The following PPP6C variants were observed in gnomAD, a reference collection of about 807,000 sequenced individuals.
PPP6C encodes the protein protein phosphatase 6 catalytic subunit.
In PPP6C, 11 loss-of-function variants were observed where a neutral mutation model predicts 39.8. The ratio of observed to expected loss-of-function variants is 0.28; its 90% CI spans 0.17 to 0.46. The LOEUF (loss-of-function observed/expected upper bound fraction) is 0.46. Ranked by LOEUF, PPP6C falls within the 20% of genes least tolerant of loss-of-function variation. PPP6C has a pLI of 1.00. For missense variants in PPP6C, 211 were observed against 373.9 expected, an observed-to-expected ratio of 0.56 and a Z score of 3.59; for synonymous variants, 129 against 130.3, an observed-to-expected ratio of 0.99 and a Z score of 0.07.
At chr9:125,160,441 T>A (rs1477155310) in intron 3 of PPP6C, among the ~76,000 whole-genome samples, 2 of 152,208 alleles carry the variant, frequency 1.3e-5, no homozygotes, top group African/African-American at 4.8e-5. Flanking sequence ...AGGGACTCGA[T>A]GGAAAGTAAT....
intron 2 of PPP6C, among the ~76,000 whole-genome samples, chr9:125,162,899 G>A (rs1375251148): frequency 2.6e-5 from 4 of 151,842 alleles, no homozygotes; most frequent in Admixed American, 6.6e-5. Flanking sequence ...CCAACATGGC[G>A]AAACCCAGTC....
At chr9:125,155,254 A>G (rs1359062353) in intron 4 of PPP6C, among the ~76,000 whole-genome samples, 2 of 152,092 alleles carry the variant, frequency 1.3e-5, no homozygotes, top group African/African-American at 2.4e-5. Context: ...ACACCATGGA[A>G]GCTCTGTACT....
chr9:125,174,857 T>C (rs547181299), intron 1 of PPP6C, among the ~76,000 whole-genome samples: 1 of 151,786 alleles, frequency 6.6e-6, no homozygotes, highest in Admixed American at 6.6e-5. Flanking sequence ...GGTTGCAGTG[T>C]GCCGAGATCG....
chr9:125,165,079 C>G (rs1828983409), intron 2 of PPP6C, among the ~76,000 whole-genome samples: 1 of 151,994 alleles, frequency 6.6e-6, no homozygotes, highest in African/African-American at 2.4e-5. Context: ...AGGAAACATC[C>G]AGTCTGCCCA....
chr9:125,171,476 CACATATATATATATATATATATATATAT>C (rs1177760770), intron 1 of PPP6C, among the ~76,000 whole-genome samples: 5 of 57,192 alleles, frequency 8.7e-5, no homozygotes, highest in Non-Finnish European at 1.2e-4. Context: ...CACACACACA[CACATATATATATATATATATATATATAT>C]ATATATATAT....
chr9:125,170,014 T>C (rs971740361), intron 2 of PPP6C, among the ~76,000 whole-genome samples: 5 of 152,112 alleles, frequency 3.3e-5, no homozygotes, highest in African/African-American at 7.2e-5. Flanking sequence ...AGCAGGGAAA[T>C]TGCACAGGTG....
chr9:125,161,082 CTAAA>C (rs151141827), intron 2 of PPP6C, among the ~76,000 whole-genome samples, 176 bp from the exon 3 acceptor site: 85 of 152,254 alleles, frequency 5.6e-4, no homozygotes, highest in African/African-American at 1.9e-3. Context: ...AAAAAAAGCA[CTAAA>C]TAAAGCTCAG....
intron 2 of PPP6C, 89 bp downstream of exon 2, chr9:125,170,996 T>C (rs987593575): frequency 5.0e-6 from 4 of 794,068 alleles, no homozygotes; most frequent in African/African-American, 1.8e-5. Context: ...TTTGTTGATG[T>C]TGTTGTTGTT....
intron 1 of PPP6C, among the ~76,000 whole-genome samples, chr9:125,182,971 A>G (rs1829450452): frequency 6.6e-6 from 1 of 152,108 alleles, no homozygotes; most frequent in African/African-American, 2.4e-5. Flanking sequence ...AGTATCCAAG[A>G]GTAATTCTGG....
intron 1 of PPP6C, among the ~76,000 whole-genome samples, chr9:125,184,011 C>T (rs1829471520): frequency 6.6e-6 from 1 of 152,192 alleles, no homozygotes; most frequent in Non-Finnish European, 1.5e-5. Flanking sequence ...ATAATCTCAG[C>T]ATTTTGGGAG....
chr9:125,170,715 A>G (rs1829129130), intron 2 of PPP6C, among the ~76,000 whole-genome samples: 1 of 152,226 alleles, frequency 6.6e-6, no homozygotes, highest in African/African-American at 2.4e-5. Flanking sequence ...ACAGGAGAAC[A>G]GAAATGAACT....
chr9:125,183,037 A>C (rs1158093886), intron 1 of PPP6C, among the ~76,000 whole-genome samples: 1 of 152,076 alleles, frequency 6.6e-6, no homozygotes, highest in African/African-American at 2.4e-5. Flanking sequence ...TATGGCCCAA[A>C]CCAAACTTCC....
intron 6 of PPP6C, among the ~76,000 whole-genome samples, chr9:125,152,801 G>A (rs897515175): frequency 1.3e-5 from 2 of 151,426 alleles, no homozygotes; most frequent in African/African-American, 4.9e-5. Flanking sequence ...TTGTACTCCA[G>A]CCTGGGCAAC....
At chr9:125,175,092 C>A (rs912960021) in intron 1 of PPP6C, among the ~76,000 whole-genome samples, 36 of 151,532 alleles carry the variant, frequency 2.4e-4, no homozygotes, top group African/African-American at 8.7e-4. Context: ...CGCTGGTAAT[C>A]CTGTACTTGG....
intron 1 of PPP6C, among the ~76,000 whole-genome samples, chr9:125,173,355 G>A (rs113607407): frequency 0.033 from 4,749 of 142,664 alleles, 226 homozygotes; most frequent in African/African-American, 0.11. Flanking sequence ...GCAGTGAGCC[G>A]AGATTGCACC....
intron 1 of PPP6C, 176 bp downstream of exon 1, chr9:125,189,468 G>C: frequency 6.9e-7 from 1 of 1,439,786 alleles, no homozygotes; most frequent in East Asian, 2.6e-5. Context: ...GACAGCATTC[G>C]ACGACTCGGC....
intron 1 of PPP6C, among the ~76,000 whole-genome samples, chr9:125,172,542 A>C (rs1829193998): frequency 6.6e-6 from 1 of 152,162 alleles, no homozygotes; most frequent in Non-Finnish European, 1.5e-5. Context: ...AAAATTAAAG[A>C]AATGGAGAAC....
intron 1 of PPP6C, among the ~76,000 whole-genome samples, chr9:125,183,223 C>T (rs1234171331): frequency 2.6e-5 from 4 of 152,158 alleles, no homozygotes; most frequent in Non-Finnish European, 5.9e-5. Context: ...ACTCTCATAT[C>T]ACCGGGCCTA....
intron 6 of PPP6C, among the ~76,000 whole-genome samples, chr9:125,153,190 T>C (rs962909011): frequency 6.6e-6 from 1 of 152,030 alleles, no homozygotes; most frequent in Non-Finnish European, 1.5e-5. Context: ...GGAGAATGGC[T>C]TGAACCTGGG....
Sources: allele counts gnomAD v4.1 joint callset (sites outside exome capture counted in the v4.1 genomes callset), GRCh38; gene constraint gnomAD v4.1.1; transcripts MANE v1.5; gene names NCBI Gene and HGNC (gene_info 2026-07-23, HGNC 2026-07-21).